Variants in ABR observed in about 807,000 individuals in gnomAD.
ABR encodes the protein active breakpoint cluster region-related protein.
Under a neutral mutation model 107.2 loss-of-function variants are expected in ABR, and 35 were observed. The observed-to-expected ratio is 0.33, with a 90% CI of 0.25 to 0.43. The LOEUF (loss-of-function observed/expected upper bound fraction) is 0.43, where lower values mean the gene tolerates loss of function less well. ABR is among the 20% of genes least tolerant of loss of function. The pLI, the probability that ABR is intolerant of heterozygous loss-of-function variation, is 1.00. For synonymous variants in ABR, 498 were observed against 462.0 expected (o/e 1.08, Z -1.00); for missense variants, 815 against 1,115.2 (o/e 0.73, Z 3.83).
At chr17:1,208,631 C>G (rs140510302) in intron 1 of ABR, among the ~76,000 whole-genome samples, 7,214 of 152,208 alleles carry the variant, frequency 0.047, 578 homozygotes, top group African/African-American at 0.16. Context: ...GCTCACGCCT[C>G]TTATCCCAGC....
rs73287512 is a variant in ABR, at chr17:1,044,340, G to T, written c.1791+5710C>A. On this transcript the variant is annotated intron_variant, in intron 16 of 22. Transcript: ENST00000302538. Reference sequence around the variant, plus strand: ...TCCTTCTCTCCGGAAAACAGGATTGGATTAAACGCCCTCTAAGATTTATTC... The same window carrying T: ...TCCTTCTCTCCGGAAAACAGGATTGTATTAAACGCCCTCTAAGATTTATTC... Among the ~76,000 whole-genome samples the T allele has an allele frequency of 5.8e-3, 880 of 152,304 alleles. 7 individuals carry two copies. Among genetic ancestry groups the T allele is most frequent in the African/African-American group, 0.019 (802 of 41,560 alleles).
Position 1,050,207 on chromosome 17 carries a change from C to G in ABR, c.1660-26G>C. 1 of 1,599,964 alleles carries G rather than the reference C, an allele frequency of 6.3e-7. No homozygotes were observed. The highest frequency in any genetic ancestry group is 8.5e-7 in the Non-Finnish European group (1 of 1,175,006). On this transcript the variant is annotated intron_variant, in intron 15 of 22. Coordinates refer to ENST00000302538, the MANE Select transcript of ABR (RefSeq NM_021962.5). The surrounding 1 kb of genome is among the most constrained non-coding windows in gnomAD (Gnocchi z 4.6). ...CTGGGGAAAGATGGGACAAAGGGCC[C>G]TGAACCTCCGAAGCTGGGAGGCCTG...
At chr17:1,056,558 C>T (rs2033298757) in intron 13 of ABR, among the ~76,000 whole-genome samples, 1 of 152,106 alleles carries the variant, frequency 6.6e-6, no homozygotes, top group Non-Finnish European at 1.5e-5. Flanking sequence ...CCGGTCAGTT[C>T]CCAGCCCTGA....
chr17:1,007,196 G>A lies in ABR; in HGVS notation c.2459C>T (p.Ala820Val), dbSNP rs747439385. The change falls in exon 22 of 23, where the codon GCG (alanine) becomes GTG (valine). Residue 820 changes from alanine (A) to valine (V), a missense_variant. By Grantham distance (64) the Ala-to-Val change is moderately conservative (BLOSUM62 0). Coordinates refer to ENST00000302538, the MANE Select transcript of ABR (RefSeq NM_021962.5). ...CATGACGTCATGGGACCAGATGTCC[G>A]CAGCCGAGGTGAGGTGTGCTTTGCT... Reference protein sequence around the residue: ...VESKAHLTSAADIWSHDVMAQ... With the variant: ...VESKAHLTSAVDIWSHDVMAQ... 9 of 1,613,896 alleles carry A rather than the reference G, an allele frequency of 5.6e-6. No individual in the cohort carries two copies. The highest frequency in any genetic ancestry group is 1.7e-4 in the Middle Eastern group (1 of 6,052).
chr17:1,041,472 C>T (rs1030937153), intron 16 of ABR, among the ~76,000 whole-genome samples: 4 of 152,028 alleles, frequency 2.6e-5, no homozygotes. Flanking sequence ...CGGTGGCTCA[C>T]GCCTGTCATC....
intron 1 of ABR, among the ~76,000 whole-genome samples, chr17:1,153,518 C>T (rs1303500478): frequency 5.1e-5 from 4 of 77,682 alleles, no homozygotes; most frequent in East Asian, 7.3e-4. Context: ...GGCACACCTG[C>T]GGGGAGGGCT....
In ABR at chr17:1,179,862, A is replaced by G. The variant is rs1166349413; in HGVS notation, c.-135T>C. ...GGAGGCCGGGAACCAGGTCCCCGGGAGGAGCGCGGGGCGGCCGGGGCAGGG... is the reference window on the plus strand; with the variant it reads ...GGAGGCCGGGAACCAGGTCCCCGGGGGGAGCGCGGGGCGGCCGGGGCAGGG... On this transcript the variant is annotated 5_prime_UTR_variant, in exon 1 of 23. Transcript: ENST00000302538. This position sits in a 1 kb window ranked among gnomAD's most constrained non-coding sequence, Gnocchi z 4.9. 12 of 832,180 alleles carry G rather than the reference A, an allele frequency of 1.4e-5. No homozygotes were observed. The highest frequency in any genetic ancestry group is 1.8e-5 in the African/African-American group (1 of 54,102). 51.5% of individuals were successfully genotyped at this position (832,180 alleles called of 1,614,324 possible).
chr17:1,095,056 C>T (rs967764005), intron 3 of ABR, among the ~76,000 whole-genome samples: 2 of 152,136 alleles, frequency 1.3e-5, no homozygotes, highest in Non-Finnish European at 2.9e-5. Flanking sequence ...CGGAGGAGCC[C>T]GCAGAGTCGC....
chr17:1,084,131 C>T lies in ABR; in HGVS notation c.532-504G>A, dbSNP rs575032219. On this transcript the variant is annotated intron_variant, in intron 4 of 22. Transcript: ENST00000302538. This position sits in a 1 kb window ranked among gnomAD's most constrained non-coding sequence, Gnocchi z 4.2. Reference sequence around the variant, plus strand: ...TGTCTTGGCCGGGCGTGGCGGCTCACGCCTGTAACCCCAGCACTTTGGGAG... The same window carrying T: ...TGTCTTGGCCGGGCGTGGCGGCTCATGCCTGTAACCCCAGCACTTTGGGAG... 7.2e-4 allele frequency among the ~76,000 whole-genome samples: 109 copies of T among 152,312 alleles called. 2 individuals carry two copies. In the South Asian group the frequency reaches 0.018, roughly 25 times the overall value.
At chr17:1,113,076 G>A (rs556103732) in intron 2 of ABR, among the ~76,000 whole-genome samples, 1 of 146,436 alleles carries the variant, frequency 6.8e-6, no homozygotes, top group African/African-American at 2.7e-5. Flanking sequence ...CAGTGTGCTA[G>A]CATCGGAATG....
chr17:1,091,575 A>AGG, intron 4 of ABR, 90 bp downstream of exon 4: 1 of 1,448,272 alleles, frequency 6.9e-7, no homozygotes, highest in Non-Finnish European at 9.4e-7. Flanking sequence ...GGAGTCCGAG[A>AGG]GGGCTGCCCG....
At chr17:1,073,720 G>C (rs770655882) in intron 6 of ABR, 43 bp from the exon 7 acceptor site, 18 of 1,551,368 alleles carry the variant, frequency 1.2e-5, no homozygotes, top group Non-Finnish European at 1.6e-5. Context: ...GATGATGGAC[G>C]AGGGCAACCC....
intron 1 of ABR, among the ~76,000 whole-genome samples, chr17:1,130,295 CCA>C (rs2039771349): frequency 6.6e-6 from 1 of 152,092 alleles, no homozygotes; most frequent in Non-Finnish European, 1.5e-5. Context: ...TTCCCAAAGA[CCA>C]CACACGTAGG....
At chr17:1,101,976 G>A (rs944377943) in intron 2 of ABR, among the ~76,000 whole-genome samples, 65 of 152,030 alleles carry the variant, frequency 4.3e-4, no homozygotes, top group Non-Finnish European at 6.2e-4. Flanking sequence ...CTCGTGATCC[G>A]CCCGCCTTGG....
chr17:1,031,747 G>GGT (rs968585525), intron 16 of ABR: 27 of 1,237,382 alleles, frequency 2.2e-5, no homozygotes, highest in African/African-American at 3.1e-5. Flanking sequence ...GTCATGCCGG[G>GGT]GGGGACGGGA....
chr17:1,069,110 A>G (rs2035003647), intron 9 of ABR, among the ~76,000 whole-genome samples: 1 of 152,214 alleles, frequency 6.6e-6, no homozygotes, highest in African/African-American at 2.4e-5. Context: ...ATGAGGCAGC[A>G]ACAGGGAAAA....
chr17:1,056,095 C>T lies in ABR; in HGVS notation c.1501G>A (p.Gly501Arg). ...TSNKDDDESP[G>R]LYGFLHVIVH... Reference sequence around the variant, plus strand: ...ATGACATGAAGGAAGCCATAGAGTCCTGGAGACTCATCGTCTGCAAGAGAG... The same window carrying T: ...ATGACATGAAGGAAGCCATAGAGTCTTGGAGACTCATCGTCTGCAAGAGAG... Residue 501 changes from glycine to arginine, a missense_variant, in exon 14 of 23, where the codon GGA becomes AGA. Gly to Arg is a moderately radical substitution (Grantham distance 125). This residue lies in a region of ABR where 385 missense variants were observed against 596.9 expected (regional missense o/e 0.64). Transcript: ENST00000302538. The T allele has an allele frequency of 2.5e-6, 4 of 1,614,156 alleles. No homozygotes were observed. The highest frequency in any genetic ancestry group is 3.4e-6 in the Non-Finnish European group (4 of 1,179,998).
chr17:1,117,696 TC>T (rs1284333138), intron 2 of ABR, among the ~76,000 whole-genome samples: 3 of 60,464 alleles, frequency 5.0e-5, no homozygotes, highest in East Asian at 3.5e-4. Flanking sequence ...GAGCCCGAGT[TC>T]CTCCCCAGCG....
chr17:1,012,663 C>T (rs2070722792), intron 18 of ABR, 25 bp downstream of exon 18: 1 of 1,544,172 alleles, frequency 6.5e-7, no homozygotes, highest in Admixed American at 1.9e-5. Flanking sequence ...GACGCCAGGA[C>T]TGGGAGACCC....
Sources: gnomAD v4.1 joint callset for allele counts (sites outside exome capture counted in the v4.1 genomes callset) on GRCh38, gnomAD v4.1.1 for gene constraint, gnomAD v4.1.1 regional missense constraint, Gnocchi (gnomAD v3.1) non-coding constraint, MANE v1.5 for transcripts, NCBI Gene and HGNC (gene_info 2026-07-23, HGNC 2026-07-21) for gene names.